MGMT: variants seen among roughly 807,000 people sequenced by gnomAD.
MGMT encodes methylated-DNA--protein-cysteine methyltransferase.
In MGMT, 14 loss-of-function variants were observed where a neutral mutation model predicts 15.9. The observed-to-expected ratio is 0.88, with a 90% CI of 0.58 to 1.37. The LOEUF is 1.37. Among genes scored for constraint, MGMT ranks in the 40% most tolerant of loss-of-function variants. MGMT has a pLI of 0.00. For missense variants in MGMT, 282 were observed against 268.1 expected (o/e 1.05, Z -0.36); for synonymous variants, 130 against 118.2 (o/e 1.10, Z -0.65).
chr10:129,714,991 C>G (rs561288574), intron 3 of MGMT, among the ~76,000 whole-genome samples: 1 of 152,222 alleles, frequency 6.6e-6, no homozygotes, highest in East Asian at 1.9e-4. Context: ...GTGGCCAGGT[C>G]CTTAGTTCCC....
chr10:129,471,233 G>C (rs866482604), intron 1 of MGMT, among the ~76,000 whole-genome samples: 2 of 152,338 alleles, frequency 1.3e-5, no homozygotes, highest in Middle Eastern at 6.8e-3. Flanking sequence ...CTGACAAATT[G>C]AGTCATATGC....
rs576924144 is a variant in MGMT, at chr10:129,609,291, G to C, written c.125+72914G>C. Reference sequence around the variant, plus strand: ...ATGGTAGAACTGGAATCGTTGGCCCGATCTGGAGCCCCTGGAGGCTGGGTG... The same window carrying C: ...ATGGTAGAACTGGAATCGTTGGCCCCATCTGGAGCCCCTGGAGGCTGGGTG... On this transcript the variant is annotated intron_variant, in intron 2 of 4. Transcript: ENST00000651593. Among the ~76,000 whole-genome samples the C allele has an allele frequency of 9.3e-5, 14 of 150,182 alleles. No individual in the cohort carries two copies. The East Asian group carries it at 2.8e-3, about 30-fold the overall frequency.
intron 2 of MGMT, among the ~76,000 whole-genome samples, chr10:129,598,096 C>T (rs1846772793): frequency 6.6e-6 from 1 of 152,142 alleles, no homozygotes; most frequent in Non-Finnish European, 1.5e-5. Flanking sequence ...TAGTGTGTGC[C>T]AGCCACGTTC....
At position 129,770,230 on chromosome 10, in the gene MGMT, A is replaced by G. The variant is rs1848985645; in HGVS notation, c.*3233A>G. ...TACATCGTTTGTAAACAGCAGTATT[A>G]TCCTGGAACTTGTTTCCTACAGAAC... On this transcript the variant is annotated 3_prime_UTR_variant, in exon 5 of 5. Coordinates refer to ENST00000651593, the MANE Select transcript of MGMT (RefSeq NM_002412.5). 2.6e-5 allele frequency among the ~76,000 whole-genome samples: 4 copies of G among 152,204 alleles called. No individual in the cohort carries two copies.
chr10:129,635,078 C>T (rs1040830840), intron 2 of MGMT, among the ~76,000 whole-genome samples: 2 of 152,148 alleles, frequency 1.3e-5, no homozygotes, highest in South Asian at 2.1e-4. Context: ...CAGCTCGCCC[C>T]GGATGGTCTG....
At chr10:129,549,431 A>G (rs569653107) in intron 2 of MGMT, among the ~76,000 whole-genome samples, 1 of 152,312 alleles carries the variant, frequency 6.6e-6, no homozygotes, top group South Asian at 2.1e-4. Flanking sequence ...TTTAGCCTTA[A>G]TATCTGAGGG....
At position 129,741,185 on chromosome 10, in the gene MGMT, C is replaced by T. The variant is rs576796539; in HGVS notation, c.275-18017C>T. ...AAGTCAGCCTCCCCAGCCCTGGTCA[C>T]AGCAGAAATAGTTTTGGACCCAGGT... is the stretch of plus-strand genomic sequence containing the variant. On this transcript the variant is annotated intron_variant, in intron 3 of 4. Coordinates refer to ENST00000651593, the MANE Select transcript of MGMT (RefSeq NM_002412.5). Among the ~76,000 whole-genome samples, 117 of 152,304 alleles carry T rather than the reference C, an allele frequency of 7.7e-4. 1 individual carries two copies. In the South Asian group the frequency reaches 0.022, roughly 29 times the overall value.
intron 2 of MGMT, among the ~76,000 whole-genome samples, chr10:129,677,759 G>C (rs567741032): frequency 2.0e-5 from 3 of 152,306 alleles, no homozygotes; most frequent in East Asian, 1.9e-4. Flanking sequence ...CCCTGAGCAG[G>C]TGAAGGGTGT....
chr10:129,494,726 C>G (rs1191216507), intron 1 of MGMT, among the ~76,000 whole-genome samples: 3 of 152,212 alleles, frequency 2.0e-5, no homozygotes, highest in Non-Finnish European at 4.4e-5. Context: ...CGTATGGACA[C>G]TGCCAGTCTA....
chr10:129,502,507 G>C (rs540178892), intron 1 of MGMT, among the ~76,000 whole-genome samples: 1 of 152,140 alleles, frequency 6.6e-6, no homozygotes, highest in South Asian at 2.1e-4. Flanking sequence ...GGAAATAAAT[G>C]ATCACATAAT....
chr10:129,730,545 C>G (rs1848484152), intron 3 of MGMT, among the ~76,000 whole-genome samples: 1 of 152,178 alleles, frequency 6.6e-6, no homozygotes, highest in Non-Finnish European at 1.5e-5. Flanking sequence ...GCTCCAAAGA[C>G]AGCAGAGCAG....
At chr10:129,684,955 C>T (rs1339699321) in intron 2 of MGMT, among the ~76,000 whole-genome samples, 1 of 152,222 alleles carries the variant, frequency 6.6e-6, no homozygotes, top group Admixed American at 6.5e-5. Flanking sequence ...AAGCGATTTG[C>T]ATCTTGATGT....
intron 2 of MGMT, among the ~76,000 whole-genome samples, chr10:129,600,116 C>G (rs1005202276): frequency 6.6e-6 from 1 of 152,210 alleles, no homozygotes. Flanking sequence ...AGTCTAACTT[C>G]TGTCTAAGTC....
intron 1 of MGMT, among the ~76,000 whole-genome samples, chr10:129,528,768 C>T (rs983217144): frequency 5.3e-5 from 8 of 152,128 alleles, no homozygotes; most frequent in African/African-American, 1.7e-4. Context: ...GTGGTTGCCA[C>T]AGCTCCAGCC....
chr10:129,723,925 G>A (rs1001960440), intron 3 of MGMT, among the ~76,000 whole-genome samples: 1 of 152,178 alleles, frequency 6.6e-6, no homozygotes, highest in African/African-American at 2.4e-5. Context: ...ACATTGGTGG[G>A]TGTTAAAATG....
chr10:129,487,939 A>C (rs1434314622), intron 1 of MGMT, among the ~76,000 whole-genome samples: 1 of 146,744 alleles, frequency 6.8e-6, no homozygotes, highest in East Asian at 2.1e-4. Flanking sequence ...GTGTGTGTAT[A>C]TATATACACA....
chr10:129,476,001 G>A (rs1453077838), intron 1 of MGMT, among the ~76,000 whole-genome samples: 1 of 150,738 alleles, frequency 6.6e-6, no homozygotes, highest in Non-Finnish European at 1.5e-5. Flanking sequence ...CTAAAATGGG[G>A]ATGTCCCAGG....
At chr10:129,565,201 G>A (rs991029366) in intron 2 of MGMT, among the ~76,000 whole-genome samples, 1 of 152,094 alleles carries the variant, frequency 6.6e-6, no homozygotes, top group Non-Finnish European at 1.5e-5. Context: ...CTGAGTGACT[G>A]AGGACCGTGT....
intron 1 of MGMT, among the ~76,000 whole-genome samples, chr10:129,508,520 CTTT>C (rs11311009): frequency 4.9e-5 from 7 of 141,526 alleles, no homozygotes; most frequent in East Asian, 2.1e-4. Context: ...TTCTTTCTTT[CTTT>C]TTTTTTTTTT....
Sources: allele counts gnomAD v4.1 joint callset (sites outside exome capture counted in the v4.1 genomes callset), GRCh38; gene constraint gnomAD v4.1.1; transcripts MANE v1.5; gene names NCBI Gene and HGNC (gene_info 2026-07-23, HGNC 2026-07-21).